NR6A1: variants seen among roughly 807,000 people sequenced by gnomAD.
The protein encoded by NR6A1 is retinoic acid receptor-related testis-associated receptor.
In NR6A1, 7 loss-of-function variants were observed where a neutral mutation model predicts 59.1. The ratio of observed to expected loss-of-function variants is 0.12; its 90% CI spans 0.07 to 0.22. The LOEUF is 0.22. Ranked by LOEUF, NR6A1 falls within the 10% of genes least tolerant of loss-of-function variation. The probability of loss-of-function intolerance (pLI) is 1.00; values close to 1 mark genes in which losing one functional copy is unlikely to be tolerated. For synonymous variants in NR6A1, 243 were observed against 236.1 expected, an observed-to-expected ratio of 1.03 and a Z score of -0.27; for missense variants, 468 against 611.6, an observed-to-expected ratio of 0.77 and a Z score of 2.48.
chr9:124,524,923 A>G, intron 8 of NR6A1, 50 bp from the exon 9 acceptor site: 1 of 1,543,182 alleles, frequency 6.5e-7, no homozygotes, highest in Non-Finnish European at 8.7e-7. Flanking sequence ...TGGGATGGGC[A>G]TTCTAATGTG....
intron 2 of NR6A1, among the ~76,000 whole-genome samples, chr9:124,629,114 TCA>T (rs1277369797): frequency 6.6e-6 from 1 of 152,154 alleles, no homozygotes; most frequent in Non-Finnish European, 1.5e-5. Flanking sequence ...CATCCTTAAT[TCA>T]CATTCTTCCT....
chr9:124,769,071 A>T (rs1251985022), intron 1 of NR6A1, among the ~76,000 whole-genome samples: 1 of 152,214 alleles, frequency 6.6e-6, no homozygotes, highest in African/African-American at 2.4e-5. Flanking sequence ...AAAAAGTCAA[A>T]GGCATTAAAG....
At chr9:124,531,499 A>AG (rs1410905973) in intron 7 of NR6A1, among the ~76,000 whole-genome samples, 1 of 152,212 alleles carries the variant, frequency 6.6e-6, no homozygotes, top group African/African-American at 2.4e-5. Context: ...GGGGAGTGGG[A>AG]GCAAGGCAGT....
chr9:124,559,964 C>T (rs1181854846), intron 2 of NR6A1, among the ~76,000 whole-genome samples: 1 of 152,170 alleles, frequency 6.6e-6, no homozygotes, highest in Non-Finnish European at 1.5e-5. Flanking sequence ...GCTGGCAACA[C>T]TAGTAAGTAC....
chr9:124,556,804 TTTG>T (rs1833943243), intron 2 of NR6A1, among the ~76,000 whole-genome samples: 1 of 152,120 alleles, frequency 6.6e-6, no homozygotes, highest in Non-Finnish European at 1.5e-5. Context: ...AGAGTAAATT[TTTG>T]TTGTTTTCAG....
chr9:124,572,012 C>A (rs1421245120), intron 2 of NR6A1, among the ~76,000 whole-genome samples: 1 of 151,898 alleles, frequency 6.6e-6, no homozygotes, highest in Non-Finnish European at 1.5e-5. Flanking sequence ...AAAAAAGGTA[C>A]CCTAGGAGCA....
At position 124,660,648 on chromosome 9, in the gene NR6A1, C is replaced by CAAAAAAAA. The variant is rs753242760; in HGVS notation, c.142+72652_142+72659dup. Among the ~76,000 whole-genome samples the CAAAAAAAA allele has an allele frequency of 2.2e-5, 2 of 92,818 alleles. 1 individual carries two copies. The highest frequency in any genetic ancestry group is 4.3e-5 in the Non-Finnish European group (2 of 46,280). 60.9% of individuals were successfully genotyped at this position (92,818 alleles called of 152,430 possible). A position where few individuals can be genotyped will look rare whatever the true frequency, so the allele number is the denominator to read the frequency against. Reference sequence around the variant, plus strand: ...TGCACTCCTGGCAGCTCTGAGAATACAAAAAAAAAAAAAAAAAAAAGGCAA... The same window carrying CAAAAAAAA: ...TGCACTCCTGGCAGCTCTGAGAATACAAAAAAAAAAAAAAAAAAAAAAAAAAAAGGCAA... On this transcript the variant is annotated intron_variant, in intron 2 of 9. Coordinates refer to ENST00000487099, the MANE Select transcript of NR6A1 (RefSeq NM_033334.4).
chr9:124,579,131 A>C (rs1054173081), intron 2 of NR6A1, among the ~76,000 whole-genome samples: 1 of 152,216 alleles, frequency 6.6e-6, no homozygotes, highest in Non-Finnish European at 1.5e-5. Flanking sequence ...ATAATTCAAA[A>C]AGTTAGCCAG....
At chr9:124,648,972 G>C (rs549460465) in intron 2 of NR6A1, among the ~76,000 whole-genome samples, 1 of 151,992 alleles carries the variant, frequency 6.6e-6, no homozygotes, top group African/African-American at 2.4e-5. Flanking sequence ...AAAAAGGAAA[G>C]ACATCCCATG....
At chr9:124,529,240 T>TCTGCTAC (rs899818506) in intron 7 of NR6A1, among the ~76,000 whole-genome samples, 3 of 152,230 alleles carry the variant, frequency 2.0e-5, no homozygotes, top group African/African-American at 7.2e-5. Context: ...TTGTTGAGTG[T>TCTGCTAC]CTGCTACCTG....
chr9:124,554,366 C>T lies in NR6A1; in HGVS notation c.347G>A (p.Arg116His), dbSNP rs1833871113. 1 of 1,614,172 alleles carries T rather than the reference C, an allele frequency of 6.2e-7. No individual in the cohort carries two copies. Among genetic ancestry groups the T allele is most frequent in the Non-Finnish European group, 8.5e-7 (1 of 1,180,014 alleles). The change falls in exon 3 of 10, where the codon CGC becomes CAC. Residue 116 changes from arginine (R) to histidine (H), a missense_variant. Arg to His is a conservative substitution (Grantham distance 29). Coordinates refer to ENST00000487099, the MANE Select transcript of NR6A1 (RefSeq NM_033334.4). ...RKQRNRCQYC[R>H]LLKCLQMGMN... ...CCCCATCTGGAGGCATTTGAGCAGG[C>T]GGCAGTACTGGCACCTGTTCCTCTG...
intron 2 of NR6A1, among the ~76,000 whole-genome samples, chr9:124,678,556 T>G (rs992458454): frequency 1.3e-5 from 2 of 152,056 alleles, no homozygotes; most frequent in African/African-American, 4.8e-5. Context: ...TTGGAAGCAT[T>G]TACTAAGATA....
At chr9:124,571,917 T>C (rs1449263894) in intron 2 of NR6A1, among the ~76,000 whole-genome samples, 2 of 151,576 alleles carry the variant, frequency 1.3e-5, no homozygotes, top group East Asian at 1.9e-4. Flanking sequence ...TTCTCTTACT[T>C]ACCATAAAAA....
intron 7 of NR6A1, among the ~76,000 whole-genome samples, chr9:124,534,344 AT>A (rs1229151376): frequency 1.3e-5 from 2 of 152,192 alleles, no homozygotes; most frequent in Non-Finnish European, 2.9e-5. Flanking sequence ...AAGTGCTGGG[AT>A]TACAGGCATG....
chr9:124,539,252 C>T (rs1420723630), intron 5 of NR6A1, among the ~76,000 whole-genome samples: 1 of 152,234 alleles, frequency 6.6e-6, no homozygotes, highest in East Asian at 1.9e-4. Context: ...AAATGTATCT[C>T]CTATAACTGG....
chr9:124,628,029 ATTG>A (rs758235714), intron 2 of NR6A1, among the ~76,000 whole-genome samples: 107 of 148,960 alleles, frequency 7.2e-4, no homozygotes, highest in African/African-American at 1.7e-3. Flanking sequence ...TGTTGTTGTT[ATTG>A]TTGTTGTTGT....
At chr9:124,768,348 TATTA>T (rs2131213484) in intron 1 of NR6A1, among the ~76,000 whole-genome samples, 1 of 152,288 alleles carries the variant, frequency 6.6e-6, no homozygotes, top group African/African-American at 2.4e-5. Flanking sequence ...TGGAGAAAAA[TATTA>T]ATTAGGAAGC....
intron 3 of NR6A1, among the ~76,000 whole-genome samples, chr9:124,551,877 G>A (rs1473196392): frequency 6.6e-6 from 1 of 152,110 alleles, no homozygotes; most frequent in Admixed American, 6.5e-5. Flanking sequence ...ATACTCCCAC[G>A]GCAACTGCAA....
chr9:124,603,952 G>T (rs1476381184), intron 2 of NR6A1, among the ~76,000 whole-genome samples: 1 of 152,166 alleles, frequency 6.6e-6, no homozygotes, highest in Non-Finnish European at 1.5e-5. Flanking sequence ...ATCAGCAAGT[G>T]GCAATCCTAC....
Sources: allele counts gnomAD v4.1 joint callset (sites outside exome capture counted in the v4.1 genomes callset), GRCh38; gene constraint gnomAD v4.1.1; transcripts MANE v1.5; gene names NCBI Gene and HGNC (gene_info 2026-07-23, HGNC 2026-07-21).